The following C17orf75 variants were observed in gnomAD, a reference collection of about 807,000 sequenced individuals.
The protein encoded by C17orf75 is protein Njmu-R1.
In C17orf75, 32 loss-of-function variants were observed where a neutral mutation model predicts 49.6. The ratio of observed to expected loss-of-function variants is 0.65; its 90% CI spans 0.49 to 0.87. The LOEUF (loss-of-function observed/expected upper bound fraction) is 0.87, where lower values mean the gene tolerates loss of function less well. Ranked by LOEUF, C17orf75 falls within the 40% of genes least tolerant of loss-of-function variation. The pLI is 0.00. For missense variants in C17orf75, 428 were observed against 473.9 expected (o/e 0.90, Z 0.90); for synonymous variants, 158 against 159.5 (o/e 0.99, Z 0.07).
chr17:32,336,581 T>C (rs1418162181), intron 5 of C17orf75, among the ~76,000 whole-genome samples: 1 of 152,146 alleles, frequency 6.6e-6, no homozygotes, highest in Non-Finnish European at 1.5e-5. Flanking sequence ...TTAATGAAAA[T>C]AGAATGTTTT....
At position 32,334,505 on chromosome 17, in the gene C17orf75, C is replaced by T. The variant is rs368181633; in HGVS notation, c.835G>A (p.Asp279Asn). The T allele has an allele frequency of 2.5e-6, 4 of 1,612,182 alleles. No individual in the cohort carries two copies. Among genetic ancestry groups the T allele is most frequent in the Non-Finnish European group, 3.4e-6 (4 of 1,179,236 alleles). Residue 279 changes from aspartate (D) to asparagine (N), a missense_variant, in exon 8 of 10, where the codon GAT becomes AAT. Physicochemically the swap from Asp to Asn is conservative, Grantham distance 23 (BLOSUM62 1). Transcript: ENST00000577809. The part of the protein sequence containing the change: ...TEEQHKSVVI[D>N]CSSSQPQFCN... ...AACTGAGGCTGGGAGCTGCTGCAAT[C>T]GATGACCACAGACTTATGCTGCTCC...
chr17:32,335,215 T>C, intron 6 of C17orf75, 108 bp downstream of exon 6: 1 of 1,337,636 alleles, frequency 7.5e-7, no homozygotes, highest in Non-Finnish European at 1.0e-6. Flanking sequence ...AAGCATAGTT[T>C]GAATATTTGG....
At chr17:32,344,912 A>T (rs545309008), upstream of C17orf75, among the ~76,000 whole-genome samples, 19 of 151,984 alleles carry the variant, frequency 1.3e-4, no homozygotes, top group South Asian at 8.3e-4. Flanking sequence ...GTCTCAAAAA[A>T]AAATAAATAA....
intron 9 of C17orf75, among the ~76,000 whole-genome samples, chr17:32,332,850 C>A (rs967374385): frequency 6.6e-6 from 1 of 152,056 alleles, no homozygotes; most frequent in Non-Finnish European, 1.5e-5. Flanking sequence ...CACTCTGTCA[C>A]CTAGGTCGGA....
intron 8 of C17orf75, 148 bp from the exon 9 acceptor site, chr17:32,333,668 C>A (rs2041298323): frequency 1.5e-6 from 1 of 661,386 alleles, no homozygotes; most frequent in Non-Finnish European, 2.5e-6. Flanking sequence ...GGGGTTTCAC[C>A]ATATTGGCCA....
chr17:32,334,029 T>G (rs962393504), intron 8 of C17orf75, among the ~76,000 whole-genome samples: 2 of 152,234 alleles, frequency 1.3e-5, no homozygotes, highest in Non-Finnish European at 2.9e-5. Context: ...TTTTATGTAT[T>G]TTTTCTTTTA....
At chr17:32,340,935 A>G (rs2150778819) in intron 2 of C17orf75, 1 of 415,232 alleles carries the variant, frequency 2.4e-6, no homozygotes, top group Non-Finnish European at 4.5e-6. Flanking sequence ...GCAGAGCAAG[A>G]CCCTGTCTCA....
intron 9 of C17orf75, among the ~76,000 whole-genome samples, 159 bp downstream of exon 9, chr17:32,333,258 C>A (rs1377895549): frequency 1.3e-5 from 2 of 152,088 alleles, no homozygotes; most frequent in African/African-American, 4.8e-5. Flanking sequence ...ACAGAAGCTG[C>A]CAAAAAATAA....
upstream of C17orf75, among the ~76,000 whole-genome samples, chr17:32,342,589 CAT>C (rs1418863321): frequency 1.3e-5 from 2 of 152,218 alleles, no homozygotes; most frequent in African/African-American, 2.4e-5. Flanking sequence ...TCTTTCCAAA[CAT>C]AACAAAACAC....
upstream of C17orf75, chr17:32,343,842 T>C (rs2041403923): frequency 1.5e-6 from 1 of 675,934 alleles, no homozygotes; most frequent in Non-Finnish European, 2.7e-6. Context: ...TACTTGATTT[T>C]AGTTTTAAGC....
upstream of C17orf75, among the ~76,000 whole-genome samples, chr17:32,346,574 T>TTTTTTTATTATTTTTTTTTTTTTA (rs2041426870): frequency 6.6e-6 from 1 of 151,834 alleles, no homozygotes; most frequent in East Asian, 1.9e-4. Flanking sequence ...TAACAGCAAT[T>TTTTTTTATTATTTTTTTTTTTTTA]TTTTTTTGTT....
chr17:32,330,263 C>T lies in C17orf75; in HGVS notation c.*1500G>A, dbSNP rs1219315043. On this transcript the variant is annotated 3_prime_UTR_variant, in exon 10 of 10. Transcript: ENST00000577809. ...TATGAAGATTCTGAATTGTATTTCT[C>T]ATTAAAAGAAAAGAAATGTGAGTCA... is the stretch of plus-strand genomic sequence containing the variant. 6.6e-6 allele frequency: 1 copy of T among 152,094 alleles called. No individual in the cohort carries two copies. Among genetic ancestry groups the T allele is most frequent in the African/African-American group, 2.4e-5 (1 of 41,406 alleles). 9.4% of individuals were successfully genotyped at this position (152,094 alleles called of 1,614,324 possible). A position where few individuals can be genotyped will look rare whatever the true frequency, so the allele number is the denominator to read the frequency against.
In C17orf75 at chr17:32,331,783, C is replaced by T; in HGVS notation, c.1171G>A (p.Ala391Thr). 6.2e-7 allele frequency: 1 copy of T among 1,613,542 alleles called. No individual in the cohort carries two copies. The highest frequency in any genetic ancestry group is 8.5e-7 in the Non-Finnish European group (1 of 1,179,612). ...TATGATCAAAAACTTTGGTCAAGAG[C>T]TTCTTTCATGAATTCTTCAAGGACA... ...IAVLEEFMKE[A>T]LDQSF The change falls in exon 10 of 10, where the codon GCT becomes ACT. Residue 391 changes from alanine (A) to threonine (T), a missense_variant. Ala to Thr is a moderately conservative substitution (Grantham distance 58). Transcript: ENST00000577809.
At chr17:32,333,103 G>C (rs989810632) in intron 9 of C17orf75, among the ~76,000 whole-genome samples, 1 of 152,092 alleles carries the variant, frequency 6.6e-6, no homozygotes, top group Non-Finnish European at 1.5e-5. Context: ...GAGCCACTGC[G>C]CCCAGCCCCC....
intron 6 of C17orf75, 67 bp downstream of exon 6, chr17:32,335,256 G>T: frequency 6.4e-7 from 1 of 1,564,320 alleles, no homozygotes; most frequent in South Asian, 1.1e-5. Flanking sequence ...CAGAGAAAAT[G>T]AGTATGTTTC....
At position 32,334,808 on chromosome 17, in the gene C17orf75, T is replaced by G; in HGVS notation, c.701A>C (p.Glu234Ala). ...ALSYTPVEVK[E>A]SDEKTKRDIN... is the part of the protein sequence containing the mutation. ...GTCTCTCTTTGTTTTTTCATCTGAT[T>G]CTTTAACTTCAACAGGAGTGTAACT... is the stretch of plus-strand genomic sequence containing the variant. Residue 234 changes from glutamate (E) to alanine (A), a missense_variant, in exon 7 of 10, where the codon GAA becomes GCA. By Grantham distance (107) the Glu-to-Ala change is moderately radical. Coordinates refer to ENST00000577809, the MANE Select transcript of C17orf75 (RefSeq NM_022344.4). The G allele has an allele frequency of 6.2e-7, 1 of 1,609,996 alleles. No individual in the cohort carries two copies. The highest frequency in any genetic ancestry group is 8.5e-7 in the Non-Finnish European group (1 of 1,177,830).
chr17:32,347,816 C>T (rs183367173), intron 1 of C17orf75, among the ~76,000 whole-genome samples: 3 of 152,124 alleles, frequency 2.0e-5, no homozygotes, highest in Non-Finnish European at 4.4e-5. Flanking sequence ...TTGGTGATTA[C>T]GTTTCAAGCA....
intron 1 of C17orf75, among the ~76,000 whole-genome samples, chr17:32,347,916 C>A (rs2041437473): frequency 6.6e-6 from 1 of 152,088 alleles, no homozygotes; most frequent in Non-Finnish European, 1.5e-5. Flanking sequence ...CACTATGGTG[C>A]CCAGGTTGGT....
At chr17:32,334,896 C>T in intron 6 of C17orf75, 57 bp from the exon 7 acceptor site, 1 of 1,371,540 alleles carries the variant, frequency 7.3e-7, no homozygotes, top group South Asian at 1.3e-5. Context: ...TCTTGAGCAG[C>T]TACTCATGAC....
Sources: gnomAD v4.1 joint callset for allele counts (sites outside exome capture counted in the v4.1 genomes callset) on GRCh38, gnomAD v4.1.1 for gene constraint, MANE v1.5 for transcripts, NCBI Gene and HGNC (gene_info 2026-07-23, HGNC 2026-07-21) for gene names.